The following SGCZ variants were observed in gnomAD, a reference collection of about 807,000 sequenced individuals.
The protein encoded by SGCZ is sarcoglycan zeta.
SGCZ carries 40 observed loss-of-function variants against 41.3 expected under a neutral mutation model. That is an observed-to-expected ratio of 0.97 (90% CI 0.75 to 1.26). The LOEUF (loss-of-function observed/expected upper bound fraction) is 1.26, where lower values mean the gene tolerates loss of function less well. Ranked by LOEUF, SGCZ falls within the 50% of genes most tolerant of loss-of-function variation. SGCZ has a pLI of 0.00. For missense variants in SGCZ, 552 were observed against 369.8 expected (o/e 1.49, Z -4.04); for synonymous variants, 206 against 137.5 (o/e 1.50, Z -3.49).
intron 1 of SGCZ, among the ~76,000 whole-genome samples, chr8:15,014,927 T>G (rs1802968834): frequency 6.6e-6 from 1 of 152,092 alleles, no homozygotes. Flanking sequence ...GCAAACCTGG[T>G]CTTCTCATTA....
intron 3 of SGCZ, among the ~76,000 whole-genome samples, chr8:14,282,920 G>A (rs1418295014): frequency 7.8e-6 from 1 of 128,830 alleles, no homozygotes; most frequent in Non-Finnish European, 1.6e-5. Context: ...CGCGATCTCA[G>A]CTCACTGCAA....
At chr8:14,456,220 C>T (rs1800739091) in intron 2 of SGCZ, among the ~76,000 whole-genome samples, 1 of 152,034 alleles carries the variant, frequency 6.6e-6, no homozygotes, top group South Asian at 2.1e-4. Context: ...ACCATCCTGA[C>T]CAACATAGTG....
intron 2 of SGCZ, among the ~76,000 whole-genome samples, chr8:14,526,813 A>G (rs1309959644): frequency 6.6e-6 from 1 of 152,036 alleles, no homozygotes; most frequent in African/African-American, 2.4e-5. Flanking sequence ...GAATTTATCT[A>G]TGACAGATTC....
intron 1 of SGCZ, among the ~76,000 whole-genome samples, chr8:14,986,614 C>T (rs1801832210): frequency 1.3e-5 from 2 of 152,138 alleles, no homozygotes; most frequent in Admixed American, 6.5e-5. Context: ...GCCAATTACA[C>T]ATTTAGACTA....
intron 1 of SGCZ, among the ~76,000 whole-genome samples, chr8:14,939,118 C>T (rs1800181226): frequency 6.6e-6 from 1 of 152,066 alleles, no homozygotes. Flanking sequence ...CAATCTGTTC[C>T]AGGATTCCTG....
intron 7 of SGCZ, among the ~76,000 whole-genome samples, chr8:14,095,201 G>A (rs1384150173): frequency 1.1e-4 from 17 of 152,030 alleles, no homozygotes; most frequent in African/African-American, 4.1e-4. Flanking sequence ...GTCTTTGCCC[G>A]TGCCTATGTC....
chr8:14,843,933 A>C (rs1803011755), intron 1 of SGCZ, among the ~76,000 whole-genome samples: 1 of 151,884 alleles, frequency 6.6e-6, no homozygotes, highest in African/African-American at 2.4e-5. Flanking sequence ...CTGAAATAAG[A>C]AAAAAATTTA....
chr8:14,299,278 A>G (rs972731450), intron 3 of SGCZ, among the ~76,000 whole-genome samples: 7 of 151,994 alleles, frequency 4.6e-5, no homozygotes, highest in Admixed American at 3.9e-4. Flanking sequence ...GTTTTCTCAG[A>G]ACACAGAAAG....
chr8:14,469,633 G>C (rs1801157972), intron 2 of SGCZ, among the ~76,000 whole-genome samples: 1 of 152,086 alleles, frequency 6.6e-6, no homozygotes, highest in African/African-American at 2.4e-5. Context: ...TTCAGGATGG[G>C]ACTTGTCACC....
At chr8:14,913,941 A>C (rs1361953395) in intron 1 of SGCZ, among the ~76,000 whole-genome samples, 1 of 152,070 alleles carries the variant, frequency 6.6e-6, no homozygotes, top group East Asian at 1.9e-4. Flanking sequence ...TAATTTTCAA[A>C]AATGTTAGAA....
At chr8:14,862,352 A>G (rs1289946710) in intron 1 of SGCZ, among the ~76,000 whole-genome samples, 1 of 151,848 alleles carries the variant, frequency 6.6e-6, no homozygotes, top group Non-Finnish European at 1.5e-5. Context: ...CAGTGGCACA[A>G]CAGATCACTA....
At chr8:14,761,326 A>G (rs1585238325) in intron 1 of SGCZ, among the ~76,000 whole-genome samples, 1 of 151,966 alleles carries the variant, frequency 6.6e-6, no homozygotes, top group South Asian at 2.1e-4. Context: ...TATTCAAAAT[A>G]ATGCTGAGCT....
chr8:15,095,021 C>G (rs945239813), intron 1 of SGCZ, among the ~76,000 whole-genome samples: 2 of 152,142 alleles, frequency 1.3e-5, no homozygotes, highest in African/African-American at 4.8e-5. Context: ...TCACCCAAAA[C>G]GAATGCACTC....
intron 1 of SGCZ, among the ~76,000 whole-genome samples, chr8:15,117,411 T>C (rs1352367763): frequency 6.6e-6 from 1 of 152,142 alleles, no homozygotes; most frequent in Non-Finnish European, 1.5e-5. Context: ...TGGGCATTGA[T>C]TACTTCTTAA....
intron 2 of SGCZ, among the ~76,000 whole-genome samples, chr8:14,482,554 T>C (rs1224979013): frequency 6.6e-6 from 1 of 152,116 alleles, no homozygotes; most frequent in African/African-American, 2.4e-5. Context: ...TTAAGACGGG[T>C]GTGGTGGTTA....
intron 4 of SGCZ, among the ~76,000 whole-genome samples, chr8:14,206,633 G>T (rs1170312739): frequency 3.9e-5 from 6 of 152,138 alleles, no homozygotes; most frequent in Non-Finnish European, 5.9e-5. Context: ...TAAGTTTATA[G>T]AACGATGTTC....
chr8:14,921,540 T>TA (rs1799588166), intron 1 of SGCZ, among the ~76,000 whole-genome samples: 1 of 150,756 alleles, frequency 6.6e-6, no homozygotes, highest in Non-Finnish European at 1.5e-5. Flanking sequence ...AAATCCCCAT[T>TA]TAAAAAAAAA....
At chr8:14,266,234 A>C (rs919144637) in intron 3 of SGCZ, among the ~76,000 whole-genome samples, 52 of 152,108 alleles carry the variant, frequency 3.4e-4, no homozygotes, top group African/African-American at 1.0e-3. Context: ...ACCAAAATGT[A>C]ATGATCCATT....
chr8:14,437,787 C>G (rs1010004233), intron 2 of SGCZ, among the ~76,000 whole-genome samples: 1 of 150,944 alleles, frequency 6.6e-6, no homozygotes, highest in African/African-American at 2.4e-5. Flanking sequence ...TTTATTTTTA[C>G]ATTTTGTGCA....
Sources: allele counts gnomAD v4.1 joint callset (sites outside exome capture counted in the v4.1 genomes callset), GRCh38; gene constraint gnomAD v4.1.1; transcripts MANE v1.5; gene names NCBI Gene and HGNC (gene_info 2026-07-23, HGNC 2026-07-21).